The following TCF7L1 variants were observed in gnomAD, a reference collection of about 807,000 sequenced individuals.
TCF7L1 encodes transcription factor 7 like 1.
A neutral mutation model predicts 63.7 loss-of-function variants in TCF7L1; 18 were observed. The observed-to-expected ratio is 0.28, with a 90% CI of 0.20 to 0.42. The LOEUF is 0.42. Ranked by LOEUF, TCF7L1 falls within the 10% of genes least tolerant of loss-of-function variation. The probability of loss-of-function intolerance (pLI) is 1.00; values close to 1 mark genes in which losing one functional copy is unlikely to be tolerated. For missense variants in TCF7L1, 654 were observed against 779.3 expected, an observed-to-expected ratio of 0.84 and a Z score of 1.91; for synonymous variants, 355 against 340.9, an observed-to-expected ratio of 1.04 and a Z score of -0.46.
intron 4 of TCF7L1, among the ~76,000 whole-genome samples, chr2:85,289,219 G>GT (rs1681628774): frequency 8.2e-6 from 1 of 122,636 alleles, no homozygotes; most frequent in Non-Finnish European, 1.8e-5. Flanking sequence ...ATTTCAGTCT[G>GT]GAGTGTGTGT....
At chr2:85,177,518 A>T (rs1433748077) in intron 3 of TCF7L1, among the ~76,000 whole-genome samples, 1 of 151,994 alleles carries the variant, frequency 6.6e-6, no homozygotes. Flanking sequence ...TGGCCTGGGC[A>T]AGAAAACAAG....
intron 3 of TCF7L1, among the ~76,000 whole-genome samples, chr2:85,281,635 T>C (rs2104366713): frequency 6.6e-6 from 1 of 152,142 alleles, no homozygotes; most frequent in East Asian, 1.9e-4. Context: ...GACACCCCAT[T>C]TGAGGGCTGA....
chr2:85,304,343 G>A lies in TCF7L1; in HGVS notation c.845+5G>A. 1 of 1,613,666 alleles carries A rather than the reference G, an allele frequency of 6.2e-7. No homozygotes were observed. The highest frequency in any genetic ancestry group is 8.5e-7 in the Non-Finnish European group (1 of 1,179,872). On this transcript the variant is annotated splice_donor_5th_base_variant and intron_variant, in intron 7 of 11. Transcript: ENST00000282111. ...CATGAACGCCTCGATGTCCAGGTGA[G>A]TCCCGGGGCTGGGGCTGTCCGCATG...
At chr2:85,160,470 C>T (rs1678259260) in intron 3 of TCF7L1, among the ~76,000 whole-genome samples, 1 of 152,150 alleles carries the variant, frequency 6.6e-6, no homozygotes, top group African/African-American at 2.4e-5. Flanking sequence ...GGTGATCAGC[C>T]CACCTCAGCC....
intron 3 of TCF7L1, among the ~76,000 whole-genome samples, chr2:85,201,453 C>T (rs1375777613): frequency 6.6e-6 from 1 of 152,082 alleles, no homozygotes. Flanking sequence ...TCATGACATA[C>T]CTTTTTCTTA....
In TCF7L1 at chr2:85,189,389, A is replaced by C. The variant is rs549524107; in HGVS notation, c.441+54939A>C. ...TGTCAGGAATGCTGCTTACAGATGT[A>C]CATGATGGGCACATGGAGGCGCCCT... On this transcript the variant is annotated intron_variant, in intron 3 of 11. Coordinates refer to ENST00000282111, the MANE Select transcript of TCF7L1 (RefSeq NM_031283.3). 2.0e-5 allele frequency among the ~76,000 whole-genome samples: 3 copies of C among 152,238 alleles called. 1 individual carries two copies. The East Asian group carries it at 5.8e-4, about 29-fold the overall frequency.
At position 85,146,712 on chromosome 2, in the gene TCF7L1, C is replaced by G. The variant is rs1456747444; in HGVS notation, c.441+12262C>G. Among the ~76,000 whole-genome samples the G allele has an allele frequency of 2.0e-5, 3 of 151,950 alleles. No individual in the cohort carries two copies. In the East Asian group the frequency reaches 5.8e-4, roughly 29 times the overall value. On this transcript the variant is annotated intron_variant, in intron 3 of 11. Transcript: ENST00000282111. ...AGAGACGAGATTTCACTGTGTTAGC[C>G]AGGATGGTCTTGATGTTCTGACCTC...
At chr2:85,241,463 TTTG>T (rs1680328974) in intron 3 of TCF7L1, among the ~76,000 whole-genome samples, 1 of 146,656 alleles carries the variant, frequency 6.8e-6, no homozygotes, top group African/African-American at 2.5e-5. Flanking sequence ...TTTTTTTTTT[TTTG>T]AGATGGAGTT....
intron 3 of TCF7L1, among the ~76,000 whole-genome samples, chr2:85,240,974 A>G (rs1020492258): frequency 3.3e-5 from 5 of 152,136 alleles, no homozygotes; most frequent in African/African-American, 1.2e-4. Flanking sequence ...ATTTTAATGG[A>G]AATATTAAAT....
Position 85,133,588 on chromosome 2 carries a change from G to T in TCF7L1, c.-97G>T, listed in dbSNP as rs1328232805. ...ACTTTGTTGCGGCGGCTAGCGCAGC[G>T]GGCCCGCAAGCGGGCGGGAGGGGCG... On this transcript the variant is annotated 5_prime_UTR_variant, in exon 1 of 12. Transcript: ENST00000282111. This position sits in a 1 kb window ranked among gnomAD's most constrained non-coding sequence, Gnocchi z 4.4. 12 of 341,152 alleles carry T rather than the reference G, an allele frequency of 3.5e-5. No homozygotes were observed. Among genetic ancestry groups the T allele is most frequent in the Non-Finnish European group, 4.5e-5 (11 of 243,190 alleles). 21.1% of individuals were successfully genotyped at this position (341,152 alleles called of 1,614,324 possible).
In TCF7L1 at chr2:85,309,393, C is replaced by G; in HGVS notation, c.1698C>G (p.Leu566=). The part of the protein sequence containing the change: ...LASPPSFPAT[L]HAHQALPVLQ... ...CTCCCCCGTCCTTCCCCGCCACGCT[C>G]CATGCCCACCAGGCCCTCCCGGTGC... The change falls in exon 12 of 12, where the codon CTC becomes CTG. Residue 566 remains leucine (L), a synonymous_variant. Coordinates refer to ENST00000282111, the MANE Select transcript of TCF7L1 (RefSeq NM_031283.3). The G allele has an allele frequency of 6.3e-7, 1 of 1,595,970 alleles. No homozygotes were observed. The highest frequency in any genetic ancestry group is 8.5e-7 in the Non-Finnish European group (1 of 1,170,448).
At chr2:85,276,070 C>G (rs72840035) in intron 3 of TCF7L1, among the ~76,000 whole-genome samples, 8,422 of 152,234 alleles carry the variant, frequency 0.055, 325 homozygotes, top group Non-Finnish European at 0.08. Context: ...TGTAAAACTT[C>G]TTTTATACTT....
chr2:85,234,131 C>CTTTTTTTTTTTTT lies in TCF7L1; in HGVS notation c.442-49354_442-49342dup, dbSNP rs35508338. Among the ~76,000 whole-genome samples, 178 of 65,208 alleles carry CTTTTTTTTTTTTT rather than the reference C, an allele frequency of 2.7e-3. 1 individual carries two copies. Among genetic ancestry groups the CTTTTTTTTTTTTT allele is most frequent in the Middle Eastern group, 9.8e-3 (1 of 102 alleles). 42.8% of individuals were successfully genotyped at this position (65,208 alleles called of 152,430 possible). The stretch of plus-strand genomic sequence containing the variant: ...TTTCATTTCTTTTCTTTTTTCTTTT[C>CTTTTTTTTTTTTT]TTTTTTTTTTTTTTTTTTTTTTCGA... On this transcript the variant is annotated intron_variant, in intron 3 of 11. Coordinates refer to ENST00000282111, the MANE Select transcript of TCF7L1 (RefSeq NM_031283.3).
chr2:85,282,794 T>TTGTGTGTGTG (rs59628868), intron 3 of TCF7L1, among the ~76,000 whole-genome samples: 4,643 of 119,074 alleles, frequency 0.039, 172 homozygotes, highest in East Asian at 0.055. Flanking sequence ...GAGAGAGAGA[T>TTGTGTGTGTG]TGTGTGTGTG....
intron 3 of TCF7L1, among the ~76,000 whole-genome samples, chr2:85,252,973 C>T (rs1380457512): frequency 4.6e-5 from 7 of 152,168 alleles, no homozygotes; most frequent in Non-Finnish European, 8.8e-5. Flanking sequence ...CTTTCTCAGA[C>T]GGCCTAAAAT....
chr2:85,241,439 T>G (rs1397224185), intron 3 of TCF7L1, among the ~76,000 whole-genome samples: 1 of 80,828 alleles, frequency 1.2e-5, no homozygotes, highest in Admixed American at 1.1e-4. Flanking sequence ...TTGTTTTTGT[T>G]TTTTTTTTTT....
At position 85,159,051 on chromosome 2, in the gene TCF7L1, G is replaced by C. The variant is rs893761878; in HGVS notation, c.441+24601G>C. On this transcript the variant is annotated intron_variant, in intron 3 of 11. Coordinates refer to ENST00000282111, the MANE Select transcript of TCF7L1 (RefSeq NM_031283.3). ...GGATGTTGAAGCATAACCCGGCTTTGTGGTAGAGGAGGGCTTTGTAGCACC... is the reference window on the plus strand; with the variant it reads ...GGATGTTGAAGCATAACCCGGCTTTCTGGTAGAGGAGGGCTTTGTAGCACC... 7.2e-5 allele frequency among the ~76,000 whole-genome samples: 11 copies of C among 152,214 alleles called. No individual in the cohort carries two copies. In the East Asian group the frequency reaches 1.5e-3, roughly 21 times the overall value.
chr2:85,307,835 GTAT>G, intron 11 of TCF7L1, 118 bp downstream of exon 11: 4 of 886,006 alleles, frequency 4.5e-6, no homozygotes, highest in South Asian at 3.0e-5. Context: ...TCGCGGGCGG[GTAT>G]TATTACCCCT....
At chr2:85,250,527 C>T (rs1286619622) in intron 3 of TCF7L1, among the ~76,000 whole-genome samples, 2 of 152,070 alleles carry the variant, frequency 1.3e-5, no homozygotes, top group Non-Finnish European at 2.9e-5. Flanking sequence ...ACCTCCACCT[C>T]CCGGGTTCAA....
Sources: allele counts gnomAD v4.1 joint callset (sites outside exome capture counted in the v4.1 genomes callset), GRCh38; gene constraint gnomAD v4.1.1; non-coding constraint Gnocchi (gnomAD v3.1); transcripts MANE v1.5; gene names NCBI Gene and HGNC (gene_info 2026-07-23, HGNC 2026-07-21).